The following CTNNA2 variants were observed in gnomAD, a reference collection of about 807,000 sequenced individuals.
CTNNA2 encodes the protein catenin alpha 2.
A neutral mutation model predicts 101.0 loss-of-function variants in CTNNA2; 42 were observed. The ratio of observed to expected loss-of-function variants is 0.42; its 90% CI spans 0.32 to 0.54. The LOEUF is 0.54. Ranked by LOEUF, CTNNA2 falls within the 20% of genes least tolerant of loss-of-function variation. The pLI is 0.14. For missense variants in CTNNA2, 871 were observed against 1,223.1 expected (o/e 0.71, Z 4.29); for synonymous variants, 450 against 456.4 (o/e 0.99, Z 0.18).
intron 7 of CTNNA2, among the ~76,000 whole-genome samples, chr2:79,938,271 G>A (rs1468898602): frequency 6.6e-6 from 1 of 152,136 alleles, no homozygotes; most frequent in African/African-American, 2.4e-5. Flanking sequence ...ATACATTGTA[G>A]AGCTTGATTT....
chr2:79,873,490 G>A (rs1245517435), intron 5 of CTNNA2, among the ~76,000 whole-genome samples: 1 of 152,124 alleles, frequency 6.6e-6, no homozygotes, highest in Non-Finnish European at 1.5e-5. Flanking sequence ...GTGTCTTGTG[G>A]GAACAGATGA....
chr2:79,892,244 A>T (rs1188256120), intron 6 of CTNNA2, among the ~76,000 whole-genome samples: 1 of 152,164 alleles, frequency 6.6e-6, no homozygotes, highest in Non-Finnish European at 1.5e-5. Context: ...GAGCTCCTGT[A>T]AGCTTGCTAG....
chr2:79,515,634 T>C (rs1028652816), intron 1 of CTNNA2, among the ~76,000 whole-genome samples: 2 of 152,138 alleles, frequency 1.3e-5, no homozygotes, highest in Non-Finnish European at 2.9e-5. Flanking sequence ...CAAAGTAACA[T>C]TTTTTTACAG....
intron 7 of CTNNA2, among the ~76,000 whole-genome samples, chr2:80,199,054 G>A (rs1298297783): frequency 6.6e-6 from 1 of 151,726 alleles, no homozygotes; most frequent in African/African-American, 2.4e-5. Flanking sequence ...GGTGGTGCAT[G>A]CCTGTAATCT....
intron 4 of CTNNA2, among the ~76,000 whole-genome samples, chr2:79,454,514 T>A (rs984779090): frequency 6.6e-6 from 1 of 152,182 alleles, no homozygotes. Context: ...AAGAGACCAC[T>A]AAAAATGGCC....
intron 9 of CTNNA2, among the ~76,000 whole-genome samples, chr2:80,420,456 T>TACC (rs762720668): frequency 3.3e-5 from 5 of 152,008 alleles, no homozygotes; most frequent in Admixed American, 2.0e-4. Context: ...CACTTAATCC[T>TACC]ACCACCACCA....
At chr2:80,357,773 C>T (rs751762786) in intron 7 of CTNNA2, among the ~76,000 whole-genome samples, 1 of 152,074 alleles carries the variant, frequency 6.6e-6, no homozygotes, top group Non-Finnish European at 1.5e-5. Flanking sequence ...AAATTTATAA[C>T]CTATTTGATT....
chr2:79,496,312 G>A (rs1021135992), intron 4 of CTNNA2, among the ~76,000 whole-genome samples: 17 of 152,026 alleles, frequency 1.1e-4, no homozygotes, highest in African/African-American at 3.9e-4. Flanking sequence ...TTTTGTCAGT[G>A]TAAAAGAGTC....
intron 9 of CTNNA2, among the ~76,000 whole-genome samples, chr2:80,502,209 T>C (rs1419925147): frequency 6.6e-6 from 1 of 152,230 alleles, no homozygotes; most frequent in Non-Finnish European, 1.5e-5. Flanking sequence ...TTTGGAACTT[T>C]TTCACCATAA....
chr2:79,615,281 T>G (rs1371051780), intron 1 of CTNNA2, among the ~76,000 whole-genome samples: 1 of 152,184 alleles, frequency 6.6e-6, no homozygotes, highest in Non-Finnish European at 1.5e-5. Flanking sequence ...ATAATTTCTT[T>G]TGACTTGATT....
chr2:80,279,833 C>T (rs759422453), intron 7 of CTNNA2, among the ~76,000 whole-genome samples: 15 of 152,012 alleles, frequency 9.9e-5, no homozygotes, highest in Non-Finnish European at 1.8e-4. Context: ...AGGTGATTGT[C>T]TCACCCTGAG....
intron 4 of CTNNA2, among the ~76,000 whole-genome samples, chr2:79,449,754 T>C (rs1678868860): frequency 6.6e-6 from 1 of 152,010 alleles, no homozygotes; most frequent in East Asian, 1.9e-4. Flanking sequence ...TCCAGAGCCA[T>C]TAATGCACCA....
intron 4 of CTNNA2, among the ~76,000 whole-genome samples, chr2:79,411,729 A>G (rs903596719): frequency 3.2e-4 from 48 of 152,134 alleles, no homozygotes; most frequent in Non-Finnish European, 8.8e-5. Context: ...CTGCTCTAAA[A>G]GAGCTCCTGA....
intron 2 of CTNNA2, among the ~76,000 whole-genome samples, chr2:79,242,624 T>G (rs1389410780): frequency 2.0e-5 from 3 of 152,098 alleles, no homozygotes; most frequent in South Asian, 2.1e-4. Context: ...ATATTCAAAT[T>G]TCCTCCATTC....
intron 9 of CTNNA2, among the ~76,000 whole-genome samples, chr2:80,444,320 T>C (rs1326630375): frequency 6.6e-6 from 1 of 152,216 alleles, no homozygotes; most frequent in Non-Finnish European, 1.5e-5. Context: ...AGACTACTTC[T>C]GCTAGGCATA....
At chr2:79,324,964 G>A (rs905876683) in intron 3 of CTNNA2, among the ~76,000 whole-genome samples, 1 of 152,142 alleles carries the variant, frequency 6.6e-6, no homozygotes, top group African/African-American at 2.4e-5. Flanking sequence ...TGGTATTGCT[G>A]ATAAAACGGA....
intron 7 of CTNNA2, among the ~76,000 whole-genome samples, chr2:80,306,502 C>G (rs1677034491): frequency 6.7e-6 from 1 of 150,068 alleles, no homozygotes; most frequent in Admixed American, 6.7e-5. Context: ...ATGATTGCCT[C>G]TCTGTCACTC....
At chr2:80,155,890 C>T (rs776192364) in intron 7 of CTNNA2, among the ~76,000 whole-genome samples, 9 of 152,182 alleles carry the variant, frequency 5.9e-5, no homozygotes, top group African/African-American at 2.4e-5. Flanking sequence ...AGATGATTCA[C>T]CTTGGGCTTC....
chr2:79,812,061 TG>T (rs2105342191), intron 3 of CTNNA2, among the ~76,000 whole-genome samples: 1 of 152,340 alleles, frequency 6.6e-6, no homozygotes, highest in Admixed American at 6.5e-5. Flanking sequence ...TTTGTGTGCA[TG>T]TATGCATGTA....
Sources: allele counts gnomAD v4.1 joint callset (sites outside exome capture counted in the v4.1 genomes callset), GRCh38; gene constraint gnomAD v4.1.1; transcripts MANE v1.5; gene names NCBI Gene and HGNC (gene_info 2026-07-23, HGNC 2026-07-21).